The following LARGE1 variants were observed in gnomAD, a reference collection of about 807,000 sequenced individuals.
The protein encoded by LARGE1 is xylosyl- and glucuronyltransferase LARGE1.
LARGE1 carries 43 observed loss-of-function variants against 87.6 expected under a neutral mutation model. That is an observed-to-expected ratio of 0.49 (90% CI 0.38 to 0.63). The LOEUF is 0.63. Ranked by LOEUF, LARGE1 falls within the 30% of genes least tolerant of loss-of-function variation. The pLI is 0.00. For synonymous variants in LARGE1, 434 were observed against 394.6 expected (o/e 1.10, Z -1.18); for missense variants, 802 against 1,000.2 (o/e 0.80, Z 2.67).
chr22:33,496,326 T>G (rs2070116014), intron 6 of LARGE1, among the ~76,000 whole-genome samples: 1 of 152,140 alleles, frequency 6.6e-6, no homozygotes, highest in African/African-American at 2.4e-5. Context: ...GGAACAACAC[T>G]TTCCATTCTT....
At chr22:33,076,330 T>C in the LARGE1 span, among the ~76,000 whole-genome samples, 1 of 152,196 alleles carries the variant, frequency 6.6e-6, no homozygotes, top group East Asian at 1.9e-4. Flanking sequence ...GGTGACAGTA[T>C]ACTTGTGATG....
intron 11 of LARGE1, among the ~76,000 whole-genome samples, chr22:33,187,640 C>T (rs529385305): frequency 2.0e-5 from 3 of 151,882 alleles, no homozygotes; most frequent in South Asian, 2.1e-4. Flanking sequence ...AAGAGGAGGC[C>T]GGGCGCGATG....
chr22:33,082,019 T>C, the LARGE1 span, among the ~76,000 whole-genome samples: 16 of 152,124 alleles, frequency 1.1e-4, no homozygotes, highest in African/African-American at 3.6e-4. Flanking sequence ...TTATTGTCGT[T>C]GTTATTATTA....
At chr22:33,313,230 G>A (rs1217062875) in intron 11 of LARGE1, among the ~76,000 whole-genome samples, 1 of 152,004 alleles carries the variant, frequency 6.6e-6, no homozygotes, top group Non-Finnish European at 1.5e-5. Flanking sequence ...CATGCTGCAC[G>A]CTCTATCTCG....
In LARGE1 at chr22:33,825,454, G is replaced by T. The variant is rs11912761; in HGVS notation, c.-82-63896C>A. ...AGGTTTAATTGACTCATAGTTCAGG[G>T]TGGCTGGGGAGGCCTCAGGAAACTT... On this transcript the variant is annotated intron_variant, in intron 1 of 14. Coordinates refer to ENST00000397394, the MANE Select transcript of LARGE1 (RefSeq NM_133642.5). Among the ~76,000 whole-genome samples the T allele has an allele frequency of 5.6e-3, 855 of 151,384 alleles. 9 individuals are homozygous for T. Among genetic ancestry groups the T allele is most frequent in the African/African-American group, 0.02 (807 of 40,742 alleles).
chr22:33,328,671 G>A (rs75646643), intron 10 of LARGE1, among the ~76,000 whole-genome samples: 2,275 of 151,956 alleles, frequency 0.015, 60 homozygotes, highest in African/African-American at 0.052. Flanking sequence ...GTTAGTGAAA[G>A]AGTAAGAAAA....
chr22:33,780,840 G>A (rs761013064), intron 1 of LARGE1, among the ~76,000 whole-genome samples: 13 of 152,130 alleles, frequency 8.5e-5, no homozygotes, highest in Admixed American at 1.3e-4. Flanking sequence ...CAGGCACCCC[G>A]GCCTCAATAC....
chr22:33,514,737 C>T (rs982409821), intron 6 of LARGE1, among the ~76,000 whole-genome samples: 5 of 152,090 alleles, frequency 3.3e-5, no homozygotes, highest in African/African-American at 1.2e-4. Flanking sequence ...TTCTTTTAGT[C>T]GGCTAGTCTA....
At chr22:33,651,404 A>G (rs1034884704) in intron 2 of LARGE1, among the ~76,000 whole-genome samples, 2 of 149,870 alleles carry the variant, frequency 1.3e-5, no homozygotes, top group African/African-American at 2.4e-5. Context: ...AAAAAAAAAA[A>G]AAAAAAGAAA....
intron 7 of LARGE1, among the ~76,000 whole-genome samples, chr22:33,389,234 C>T (rs573071595): frequency 7.0e-4 from 106 of 152,356 alleles, no homozygotes; most frequent in African/African-American, 2.5e-3. Context: ...CGCCTGAACA[C>T]ACGCACAGGC....
intron 11 of LARGE1, among the ~76,000 whole-genome samples, chr22:33,256,738 T>G (rs1927296494): frequency 6.6e-6 from 1 of 152,216 alleles, no homozygotes; most frequent in Non-Finnish European, 1.5e-5. Flanking sequence ...CCTAGCCTCA[T>G]GCGGTCTGTA....
chr22:33,658,514 C>T (rs545434169), intron 2 of LARGE1, among the ~76,000 whole-genome samples: 2 of 152,164 alleles, frequency 1.3e-5, no homozygotes, highest in Admixed American at 6.6e-5. Flanking sequence ...GTTCAGCTTC[C>T]ACTTATGAGT....
At chr22:33,737,065 T>C (rs2083682006) in intron 2 of LARGE1, among the ~76,000 whole-genome samples, 1 of 152,156 alleles carries the variant, frequency 6.6e-6, no homozygotes, top group Non-Finnish European at 1.5e-5. Context: ...TCCTCCCCTC[T>C]CTTCACAGAA....
intron 1 of LARGE1, among the ~76,000 whole-genome samples, chr22:33,780,769 T>G (rs1321058359): frequency 6.6e-6 from 1 of 152,250 alleles, no homozygotes; most frequent in Admixed American, 6.5e-5. Flanking sequence ...TTGCTTTCCT[T>G]GCTGCAGCTA....
Position 33,554,688 on chromosome 22 carries a change from G to A in LARGE1, c.787+10160C>T, listed in dbSNP as rs574538986. 2.1e-3 allele frequency among the ~76,000 whole-genome samples: 318 copies of A among 152,118 alleles called. 2 individuals are homozygous for A. The highest frequency in any genetic ancestry group is 7.2e-3 in the African/African-American group (299 of 41,492). On this transcript the variant is annotated intron_variant, in intron 6 of 14. Transcript: ENST00000397394. Reference sequence around the variant, plus strand: ...TTTTTGAAAGTACTGTTTTCCTGTCGCACTTTTTATATCACCCCCACACAT... The same window carrying A: ...TTTTTGAAAGTACTGTTTTCCTGTCACACTTTTTATATCACCCCCACACAT...
intron 13 of LARGE1, among the ~76,000 whole-genome samples, chr22:33,282,750 A>C (rs1240692944): frequency 6.6e-6 from 1 of 152,216 alleles, no homozygotes; most frequent in Non-Finnish European, 1.5e-5. Context: ...AGGGGCTCAA[A>C]GAACAGACCA....
intron 8 of LARGE1, 118 bp from the exon 9 acceptor site, chr22:33,382,162 C>G: frequency 7.4e-7 from 1 of 1,343,900 alleles, no homozygotes; most frequent in Non-Finnish European, 1.0e-6. Flanking sequence ...CTGCTCTGAA[C>G]ACAGGCTGGC....
At chr22:33,109,794 G>A in the LARGE1 span, among the ~76,000 whole-genome samples, 1 of 152,254 alleles carries the variant, frequency 6.6e-6, no homozygotes, top group Admixed American at 6.5e-5. Context: ...AGATCTGGTT[G>A]TTTAAAGGAG....
At chr22:33,874,019 T>A (rs939882729) in intron 1 of LARGE1, among the ~76,000 whole-genome samples, 3 of 147,640 alleles carry the variant, frequency 2.0e-5, no homozygotes, top group African/African-American at 7.6e-5. Flanking sequence ...CCTCCCTCCC[T>A]CCTCCTTTAT....
Sources: allele counts gnomAD v4.1 joint callset (sites outside exome capture counted in the v4.1 genomes callset), GRCh38; gene constraint gnomAD v4.1.1; transcripts MANE v1.5; gene names NCBI Gene and HGNC (gene_info 2026-07-23, HGNC 2026-07-21).